The following ITGA10 variants were observed in gnomAD, a reference collection of about 807,000 sequenced individuals.
The protein encoded by ITGA10 is integrin alpha-10.
A neutral mutation model predicts 145.2 loss-of-function variants in ITGA10; 105 were observed. The observed-to-expected ratio is 0.72, with a 90% CI of 0.62 to 0.85. The LOEUF (loss-of-function observed/expected upper bound fraction) is 0.85. ITGA10 is among the 40% of genes least tolerant of loss of function. ITGA10 has a pLI of 0.00. For missense variants in ITGA10, 1,317 were observed against 1,444.5 expected (o/e 0.91, Z 1.43); for synonymous variants, 506 against 557.8 (o/e 0.91, Z 1.31).
At position 145,897,564 on chromosome 1, in the gene ITGA10, C is replaced by T. The variant is rs1553745678; in HGVS notation, c.2522G>A (p.Ser841Asn). ...GTTTCTAGAGAAGATGAGACTCAGGCTCGTATTGTAAGCATTTTCCTTTCT... is the reference window on the plus strand; with the variant it reads ...GTTTCTAGAGAAGATGAGACTCAGGTTCGTATTGTAAGCATTTTCCTTTCT... ...ENRKENAYNT[S>N]LSLIFSRNLH... The change falls in exon 20 of 30, where the codon AGC (serine) becomes AAC (asparagine). Residue 841 changes from serine (S) to asparagine (N), a missense_variant. Transcript: ENST00000369304. The T allele has an allele frequency of 6.2e-7, 1 of 1,614,144 alleles. No homozygotes were observed. Among genetic ancestry groups the T allele is most frequent in the South Asian group, 1.1e-5 (1 of 91,078 alleles).
In ITGA10 at chr1:145,907,134, G is replaced by A. The variant is rs1553751538; in HGVS notation, c.181C>T (p.Pro61Ser). The change falls in exon 3 of 30, where the codon CCC (proline) becomes TCC (serine). Residue 61 changes from proline to serine, a missense_variant. Transcript: ENST00000369304. Reference sequence around the variant, plus strand: ...CGGTCGCCTGAAGGCCCATCCCAGGGGGCGCCCACCAGCATCCTGGGAAGA... The same window carrying A: ...CGGTCGCCTGAAGGCCCATCCCAGGAGGCGCCCACCAGCATCCTGGGAAGA... ...GGQRWMLVGA[P>S]WDGPSGDRRG... is the part of the protein sequence containing the mutation. 6.4e-7 allele frequency: 1 copy of A among 1,560,868 alleles called. No homozygotes were observed. Among genetic ancestry groups the A allele is most frequent in the Non-Finnish European group, 8.7e-7 (1 of 1,151,840 alleles).
Position 145,897,920 on chromosome 1 carries a change from C to CTAAG in ITGA10, c.2347-24_2347-21dup. 1.9e-6 allele frequency: 3 copies of CTAAG among 1,597,868 alleles called. No individual in the cohort carries two copies. The highest frequency in any genetic ancestry group is 2.6e-6 in the Non-Finnish European group (3 of 1,165,222). On this transcript the variant is annotated intron_variant, in intron 18 of 29. Coordinates refer to ENST00000369304, the MANE Select transcript of ITGA10 (RefSeq NM_003637.5). The stretch of plus-strand genomic sequence containing the variant: ...GGGGACCTGGAAGAAAGGGAAGGGG[C>CTAAG]TAAGGGTTGAGAGGAAAGCAAGGAG...
chr1:145,897,753 C>T (rs782801701), intron 19 of ITGA10, 62 bp downstream of exon 19: 57 of 1,610,178 alleles, frequency 3.5e-5, no homozygotes, highest in Non-Finnish European at 2.5e-5. Context: ...CCTACCCGCC[C>T]TTCGAGTCCC....
Position 145,892,609 on chromosome 1 carries a change from T to C in ITGA10, c.*189A>G. The C allele has an allele frequency of 4.0e-6, 2 of 506,160 alleles. No individual in the cohort carries two copies. The highest frequency in any genetic ancestry group is 7.0e-6 in the Non-Finnish European group (2 of 284,646). The allele number at this position is 506,160 out of a possible 1,614,324, so 31.4% of individuals were successfully genotyped here. A position where few individuals can be genotyped will look rare whatever the true frequency, so the allele number is the denominator to read the frequency against. On this transcript the variant is annotated 3_prime_UTR_variant, in exon 30 of 30. Coordinates refer to ENST00000369304, the MANE Select transcript of ITGA10 (RefSeq NM_003637.5). ...CATGGCTAGTTTTGGTGCCAGCTCT[T>C]CTTGTCTGAGGTAAAGCCTCATCTC...
chr1:145,902,303 GTT>G lies in ITGA10; in HGVS notation c.1090_1091del (p.Asn364ArgfsTer31), dbSNP rs1656452220. ...ACATTTCCAGCCCAAAGGAGCTTTCGTTTTCTGCATGGGACCCTTGGTCATGA... is the reference window on the plus strand; with the variant it reads ...ACATTTCCAGCCCAAAGGAGCTTTCGTTCTGCATGGGACCCTTGGTCATGA... ...IFGLEGSHAE[N>X]ESSFGLEMSQ... On this transcript the variant is annotated frameshift_variant, in exon 10 of 30. Coordinates refer to ENST00000369304, the MANE Select transcript of ITGA10 (RefSeq NM_003637.5). LOFTEE classifies it high-confidence loss of function. 3 of 1,614,132 alleles carry G rather than the reference GTT, an allele frequency of 1.9e-6. No individual in the cohort carries two copies. The highest frequency in any genetic ancestry group is 2.5e-6 in the Non-Finnish European group (3 of 1,180,008).
chr1:145,904,236 T>A (rs587684700), intron 6 of ITGA10, 36 bp from the exon 7 acceptor site: 1 of 1,606,038 alleles, frequency 6.2e-7, no homozygotes, highest in East Asian at 2.2e-5. Context: ...AATGTATGTA[T>A]GTGAGATGGG....
At chr1:145,902,082 C>G in intron 10 of ITGA10, 61 bp from the exon 11 acceptor site, 2 of 1,547,654 alleles carry the variant, frequency 1.3e-6, no homozygotes, top group Non-Finnish European at 1.8e-6. Context: ...AGAAAAAAAA[C>G]GTTCCAGGAG....
intron 28 of ITGA10, 69 bp from the exon 29 acceptor site, chr1:145,893,343 C>A: frequency 8.6e-7 from 1 of 1,156,746 alleles, no homozygotes; most frequent in South Asian, 1.2e-5. Context: ...CACATTATAT[C>A]AAAGCCAGCC....
At chr1:145,898,781 G>C (rs1553746390) in intron 17 of ITGA10, among the ~76,000 whole-genome samples, 155 bp downstream of exon 17, 2 of 152,196 alleles carry the variant, frequency 1.3e-5, no homozygotes, top group Admixed American at 6.5e-5. Context: ...GGCAGAGCTA[G>C]GATTCAAACC....
intron 23 of ITGA10, 99 bp downstream of exon 23, chr1:145,896,670 G>C: frequency 1.0e-6 from 1 of 1,003,470 alleles, no homozygotes; most frequent in Admixed American, 1.7e-5. Context: ...CAAGGGCTTG[G>C]GTTTTTGGAA....
rs1388194314 is a variant in ITGA10, at chr1:145,896,060, TGA to T, written c.2954_2955del (p.Leu985HisfsTer25). On this transcript the variant is annotated frameshift_variant, in exon 25 of 30. Transcript: ENST00000369304. LOFTEE classifies it high-confidence loss of function. ...ACAGCTGGAAGGAGGGCTGAGATGA[TGA>T]GGCCACTGACCACATAGCAGCCTAG... ...QNLGCYVVSGLIISALLPAVA... is the reference protein window; with the variant it reads ...QNLGCYVVSGXIISALLPAVA... 6.2e-7 allele frequency: 1 copy of T among 1,614,042 alleles called. No homozygotes were observed. Among genetic ancestry groups the T allele is most frequent in the Non-Finnish European group, 8.5e-7 (1 of 1,180,038 alleles).
chr1:145,898,061 T>G (rs1553745990), intron 18 of ITGA10, 49 bp downstream of exon 18: 2 of 1,421,024 alleles, frequency 1.4e-6, no homozygotes, highest in Non-Finnish European at 2.0e-6. Flanking sequence ...CCTTTTCTCT[T>G]GAAGGAGGGC....
chr1:145,904,868 A>G, intron 5 of ITGA10, 57 bp from the exon 6 acceptor site: 1 of 1,581,304 alleles, frequency 6.3e-7, no homozygotes, highest in Non-Finnish European at 8.7e-7. Flanking sequence ...AACAAGGGAA[A>G]GAGGTCACAG....
Position 145,907,159 on chromosome 1 carries a change from A to G in ITGA10, c.165-9T>C. On this transcript the variant is annotated splice_polypyrimidine_tract_variant and intron_variant, in intron 2 of 29. Coordinates refer to ENST00000369304, the MANE Select transcript of ITGA10 (RefSeq NM_003637.5). ...GGGCGCCCACCAGCATCCTGGGAAG[A>G]GGATGTGAATGTAAGTAAGCACAGG... The G allele has an allele frequency of 1.3e-6, 2 of 1,559,006 alleles. No homozygotes were observed. Among genetic ancestry groups the G allele is most frequent in the Non-Finnish European group, 1.7e-6 (2 of 1,150,576 alleles).
In ITGA10 at chr1:145,897,834, T is replaced by C; in HGVS notation, c.2413A>G (p.Met805Val). The C allele has an allele frequency of 1.9e-6, 3 of 1,614,068 alleles. No individual in the cohort carries two copies. Among genetic ancestry groups the C allele is most frequent in the South Asian group, 1.1e-5 (1 of 91,078 alleles). ...TCCAACCTGGAGCCTCTGATGTCCA[T>C]ATTCACTTGAAGCACCAGGTCTGTG... is the stretch of plus-strand genomic sequence containing the variant. ...CVTDLVLQVN[M>V]DIRGSRKAPF... Residue 805 changes from methionine (M) to valine (V), a missense_variant, in exon 19 of 30, where the codon ATG becomes GTG. Physicochemically the swap from Met to Val is conservative, Grantham distance 21 (BLOSUM62 1). Transcript: ENST00000369304.
Position 145,909,963 on chromosome 1 carries a change from C to T in ITGA10, c.52G>A (p.Gly18Ser). ...AAACCAAGAAGTTAACTTCCCTCAC[C>T]TGTCAGGAACACCAGGGGCAAGAAC... is the stretch of plus-strand genomic sequence containing the variant. ...HLFLPLVFLT[G>S]LCSPFNLDEH... The change falls in exon 1 of 30, where the codon GGT (glycine) becomes AGT (serine). Residue 18 changes from glycine to serine, a missense_variant and splice_region_variant. Transcript: ENST00000369304. 2 of 1,613,026 alleles carry T rather than the reference C, an allele frequency of 1.2e-6. No homozygotes were observed. Among genetic ancestry groups the T allele is most frequent in the Non-Finnish European group, 1.7e-6 (2 of 1,179,244 alleles).
At chr1:145,900,263 TTTTA>T (rs1177281009) in intron 14 of ITGA10, 76 bp from the exon 15 acceptor site, 102 of 1,424,182 alleles carry the variant, frequency 7.2e-5, no homozygotes, top group Admixed American at 1.4e-4. Context: ...TGCTCTTTCT[TTTTA>T]TTTATTTATT....
In ITGA10 at chr1:145,897,979, A is replaced by G. The variant is rs587746211; in HGVS notation, c.2347-79T>C. ...TAGAATAGGGGGAAAGTGAAAAGAC[A>G]AAAGTGGGTATATTTTGATTAGAGG... On this transcript the variant is annotated intron_variant, in intron 18 of 29. Transcript: ENST00000369304. 4 of 1,361,128 alleles carry G rather than the reference A, an allele frequency of 2.9e-6. No individual in the cohort carries two copies. In the East Asian group the frequency reaches 9.2e-5, roughly 31 times the overall value. The allele number at this position is 1,361,128 out of a possible 1,614,324, so 84.3% of individuals were successfully genotyped here. A position where few individuals can be genotyped will look rare whatever the true frequency, so the allele number is the denominator to read the frequency against.
At chr1:145,903,576 A>G (rs1387996877) in intron 7 of ITGA10, among the ~76,000 whole-genome samples, 1 of 152,128 alleles carries the variant, frequency 6.6e-6, no homozygotes, top group Non-Finnish European at 1.5e-5. Context: ...ATTAGTGTAC[A>G]TACAAAGAAA....
Sources: gnomAD v4.1 joint callset for allele counts (sites outside exome capture counted in the v4.1 genomes callset) on GRCh38, gnomAD v4.1.1 for gene constraint, MANE v1.5 for transcripts, NCBI Gene and HGNC (gene_info 2026-07-23, HGNC 2026-07-21) for gene names.